TOX: variants seen among roughly 807,000 people sequenced by gnomAD.
TOX encodes thymocyte selection-associated high mobility group box protein TOX.
A neutral mutation model predicts 53.7 loss-of-function variants in TOX; 11 were observed. That is an observed-to-expected ratio of 0.20 (90% confidence interval 0.13 to 0.34). TOX has a LOEUF of 0.34. TOX is among the 10% of genes least tolerant of loss of function. TOX has a pLI of 1.00. For missense variants in TOX, 570 were observed against 664.6 expected, an observed-to-expected ratio of 0.86 and a Z score of 1.56; for synonymous variants, 225 against 245.3, an observed-to-expected ratio of 0.92 and a Z score of 0.77.
rs183136019 is a variant in TOX, at chr8:59,028,590, T to C, written c.103-68582A>G. Among the ~76,000 whole-genome samples, 1,325 of 151,514 alleles carry C rather than the reference T, an allele frequency of 8.7e-3. 10 individuals carry two copies. The highest frequency in any genetic ancestry group is 0.013 in the Non-Finnish European group (908 of 67,978). Reference sequence around the variant, plus strand: ...ACATACATACATACATACATACATATATAGATATTGCCTATGAACACTTTT... The same window carrying C: ...ACATACATACATACATACATACATACATAGATATTGCCTATGAACACTTTT... On this transcript the variant is annotated intron_variant, in intron 1 of 8. Coordinates refer to ENST00000361421, the MANE Select transcript of TOX (RefSeq NM_014729.3).
At position 58,913,275 on chromosome 8, in the gene TOX, C is replaced by T. The variant is rs111583085; in HGVS notation, c.411+26027G>A. On this transcript the variant is annotated intron_variant, in intron 3 of 8. Transcript: ENST00000361421. Reference sequence around the variant, plus strand: ...GGGCTGCAGTGAGCTATGATTGCACCACTGCACTCCAGCCTGGGTGACAGA... The same window carrying T: ...GGGCTGCAGTGAGCTATGATTGCACTACTGCACTCCAGCCTGGGTGACAGA... Among the ~76,000 whole-genome samples, 1,271 of 152,278 alleles carry T rather than the reference C, an allele frequency of 8.3e-3. 14 individuals carry two copies. Among genetic ancestry groups the T allele is most frequent in the African/African-American group, 0.022 (909 of 41,552 alleles).
chr8:59,037,167 C>CTTT (rs35751133), intron 1 of TOX, among the ~76,000 whole-genome samples: 2 of 142,952 alleles, frequency 1.4e-5, no homozygotes, highest in African/African-American at 2.6e-5. Context: ...TTCCAAGCTC[C>CTTT]TTTTTTTTTT....
chr8:58,946,139 T>G (rs6983623), intron 2 of TOX, among the ~76,000 whole-genome samples: 45,419 of 151,992 alleles, frequency 0.3, 7,154 homozygotes, highest in East Asian at 0.4. Flanking sequence ...ATTTTTAATC[T>G]GTAACATAAT....
At chr8:59,010,232 T>C (rs1339087242) in intron 1 of TOX, among the ~76,000 whole-genome samples, 1 of 152,178 alleles carries the variant, frequency 6.6e-6, no homozygotes, top group Non-Finnish European at 1.5e-5. Context: ...ATACTTAATC[T>C]TAGATCACTG....
At chr8:59,109,559 C>T (rs746257716) in intron 1 of TOX, among the ~76,000 whole-genome samples, 25 of 152,108 alleles carry the variant, frequency 1.6e-4, no homozygotes, top group Non-Finnish European at 2.4e-4. Context: ...ACCTGAACTG[C>T]TGCCATGAAT....
chr8:58,833,088 C>T (rs1810489689), intron 5 of TOX, among the ~76,000 whole-genome samples: 1 of 152,186 alleles, frequency 6.6e-6, no homozygotes, highest in African/African-American at 2.4e-5. Context: ...ACACTAAACT[C>T]TGAATAGGCT....
chr8:58,882,434 A>C (rs559581123), intron 3 of TOX, among the ~76,000 whole-genome samples: 5 of 152,196 alleles, frequency 3.3e-5, no homozygotes, highest in African/African-American at 1.2e-4. Flanking sequence ...AAATTTGGTC[A>C]TATCTTTCTT....
At chr8:59,043,525 T>C (rs1167799111) in intron 1 of TOX, among the ~76,000 whole-genome samples, 1 of 152,188 alleles carries the variant, frequency 6.6e-6, no homozygotes, top group African/African-American at 2.4e-5. Context: ...GCTAAACTAA[T>C]GTTCATGCAT....
At chr8:59,006,171 C>G (rs187980615) in intron 1 of TOX, among the ~76,000 whole-genome samples, 4 of 152,336 alleles carry the variant, frequency 2.6e-5, no homozygotes, top group Admixed American at 2.6e-4. Flanking sequence ...GTTTTAGATT[C>G]ATTGTGTCTG....
intron 1 of TOX, among the ~76,000 whole-genome samples, chr8:59,074,888 G>T (rs73684881): frequency 0.016 from 2,398 of 152,230 alleles, 69 homozygotes; most frequent in African/African-American, 0.053. Flanking sequence ...AGAGAAAATA[G>T]GCAGCCACTA....
chr8:58,856,502 A>AACT (rs1810918230), intron 3 of TOX, among the ~76,000 whole-genome samples: 1 of 152,162 alleles, frequency 6.6e-6, no homozygotes, highest in South Asian at 2.1e-4. Flanking sequence ...TTTTCCTGGG[A>AACT]ACTTCTTAGT....
intron 3 of TOX, among the ~76,000 whole-genome samples, chr8:58,912,984 G>C (rs1313338835): frequency 7.9e-5 from 12 of 152,124 alleles, no homozygotes. Flanking sequence ...ATTTTCCACT[G>C]TCCTTACTAA....
chr8:58,986,962 G>A (rs1813341365), intron 1 of TOX, among the ~76,000 whole-genome samples: 1 of 152,208 alleles, frequency 6.6e-6, no homozygotes, highest in African/African-American at 2.4e-5. Context: ...ATGGAAAGGA[G>A]AGTAAAGCCT....
intron 1 of TOX, among the ~76,000 whole-genome samples, chr8:59,061,298 G>A (rs956531683): frequency 6.6e-6 from 1 of 152,080 alleles, no homozygotes; most frequent in Non-Finnish European, 1.5e-5. Flanking sequence ...GTGGATCATC[G>A]AAAACCAAAG....
intron 1 of TOX, among the ~76,000 whole-genome samples, chr8:58,987,919 G>A (rs1813363565): frequency 6.6e-6 from 1 of 152,090 alleles, no homozygotes; most frequent in African/African-American, 2.4e-5. Flanking sequence ...TGAAAGATAT[G>A]GAAATTAAGG....
chr8:59,022,136 T>G (rs1283208947), intron 1 of TOX, among the ~76,000 whole-genome samples: 3 of 152,322 alleles, frequency 2.0e-5, no homozygotes, highest in African/African-American at 7.2e-5. Context: ...ACCATCATGA[T>G]ATCAATTTAG....
At chr8:58,837,212 C>T (rs1810561536) in intron 5 of TOX, among the ~76,000 whole-genome samples, 3 of 152,080 alleles carry the variant, frequency 2.0e-5, no homozygotes, top group Admixed American at 1.3e-4. Context: ...GAGACTAGTT[C>T]ATCATTAATG....
At chr8:58,881,209 C>T (rs1208060298) in intron 3 of TOX, among the ~76,000 whole-genome samples, 2 of 152,086 alleles carry the variant, frequency 1.3e-5, no homozygotes, top group Non-Finnish European at 2.9e-5. Context: ...GAGGACACTG[C>T]AAATCTGATT....
At chr8:58,998,523 A>AAAAATT (rs59892356) in intron 1 of TOX, among the ~76,000 whole-genome samples, 1 of 45,048 alleles carries the variant, frequency 2.2e-5, no homozygotes, top group Non-Finnish European at 5.0e-5. Context: ...ATATATATAT[A>AAAAATT]TATATATATA....
Sources: gnomAD v4.1 joint callset for allele counts (sites outside exome capture counted in the v4.1 genomes callset) on GRCh38, gnomAD v4.1.1 for gene constraint, MANE v1.5 for transcripts, NCBI Gene and HGNC (gene_info 2026-07-23, HGNC 2026-07-21) for gene names.